Variants in DCAF8 observed in about 807,000 individuals in gnomAD.
The protein encoded by DCAF8 is DDB1- and CUL4-associated factor 8.
A neutral mutation model predicts 68.0 loss-of-function variants in DCAF8; 20 were observed. That is an observed-to-expected ratio of 0.29 (90% CI 0.21 to 0.43). DCAF8 has a LOEUF of 0.43. Among genes scored for constraint, DCAF8 ranks in the 20% least tolerant of loss-of-function variants. DCAF8 has a pLI of 1.00. For missense variants in DCAF8, 460 were observed against 771.0 expected (o/e 0.60, Z 4.78); for synonymous variants, 230 against 276.9 (o/e 0.83, Z 1.68).
intron 2 of DCAF8, 55 bp from the exon 3 acceptor site, chr1:160,244,089 G>A: frequency 8.1e-7 from 1 of 1,242,196 alleles, no homozygotes; most frequent in South Asian, 1.2e-5. Context: ...TGGGAAAGAA[G>A]ACAATAGGGA....
intron 2 of DCAF8, among the ~76,000 whole-genome samples, chr1:160,251,282 A>G (rs1397055437): frequency 1.3e-5 from 2 of 152,060 alleles, no homozygotes; most frequent in Non-Finnish European, 2.9e-5. Flanking sequence ...CCAAAGTACA[A>G]ATTTGCTTTT....
At chr1:160,239,549 T>A in intron 4 of DCAF8, 148 bp downstream of exon 4, 1 of 1,568,310 alleles carries the variant, frequency 6.4e-7, no homozygotes, top group Non-Finnish European at 8.6e-7. Flanking sequence ...TTCAGTGTAT[T>A]TAGGTCATTA....
intron 2 of DCAF8, among the ~76,000 whole-genome samples, chr1:160,244,904 C>A (rs1206218920): frequency 6.6e-6 from 1 of 152,080 alleles, no homozygotes; most frequent in Non-Finnish European, 1.5e-5. Flanking sequence ...CCACCACGCC[C>A]AGCCCAACTA....
chr1:160,261,035 G>A (rs370224357), intron 2 of DCAF8, among the ~76,000 whole-genome samples: 49 of 152,244 alleles, frequency 3.2e-4, no homozygotes, highest in African/African-American at 1.2e-3. Flanking sequence ...CATGGGGCAG[G>A]GGGCACACAT....
chr1:160,253,647 CAAAAAAAAAAAAAAAA>C lies in DCAF8; in HGVS notation c.-27+7622_-27+7637del, dbSNP rs747211563. 1.4e-3 allele frequency among the ~76,000 whole-genome samples: 38 copies of C among 26,952 alleles called. 1 individual carries two copies. Among genetic ancestry groups the C allele is most frequent in the East Asian group, 0.013 (10 of 758 alleles). The allele number at this position is 26,952 out of a possible 152,430, so 17.7% of individuals were successfully genotyped here. A position where few individuals can be genotyped will look rare whatever the true frequency, so the allele number is the denominator to read the frequency against. On this transcript the variant is annotated intron_variant, in intron 2 of 13. Transcript: ENST00000368074. Reference sequence around the variant, plus strand: ...TGTGCGACAGGGTGAGACTCCATCTCAAAAAAAAAAAAAAAAAAAAAAAAAAAAAATAGCAGGGTGT... The same window carrying C: ...TGTGCGACAGGGTGAGACTCCATCTCAAAAAAAAAAAAAATAGCAGGGTGT...
chr1:160,255,484 G>A (rs949696851), intron 2 of DCAF8, among the ~76,000 whole-genome samples: 4 of 152,108 alleles, frequency 2.6e-5, no homozygotes, highest in African/African-American at 9.7e-5. Context: ...AGACTGCAAA[G>A]CAATCACCAT....
chr1:160,233,791 A>G (rs987175364), intron 6 of DCAF8, among the ~76,000 whole-genome samples: 5 of 152,218 alleles, frequency 3.3e-5, no homozygotes, highest in African/African-American at 1.2e-4. Flanking sequence ...TTAATCCCAT[A>G]AAACAAACAT....
chr1:160,236,330 A>G (rs184796217), intron 6 of DCAF8, among the ~76,000 whole-genome samples: 9 of 152,024 alleles, frequency 5.9e-5, no homozygotes, highest in East Asian at 1.9e-4. Context: ...GTATATAAAT[A>G]CATATGTGTG....
rs1656049087 is a variant in DCAF8 at position 160,240,081 on chromosome 1, C to A, written c.339G>T (p.Gln113His). The change falls in exon 4 of 14, where the codon CAG becomes CAT. Residue 113 changes from glutamine (Q) to histidine (H), a missense_variant. By Grantham distance (24) the Gln-to-His change is conservative (BLOSUM62 0). Coordinates refer to ENST00000368074, the MANE Select transcript of DCAF8 (RefSeq NM_015726.4). Reference protein sequence around the residue: ...EEEEEEEEEEQPRRRVQRKRA... With the variant: ...EEEEEEEEEEHPRRRVQRKRA... Reference sequence around the variant, plus strand: ...GCTTGCGCTGTACACGGCGCCGAGGCTGCTCTTCTTCCTCCTCTTCTTCCT... The same window carrying A: ...GCTTGCGCTGTACACGGCGCCGAGGATGCTCTTCTTCCTCCTCTTCTTCCT... The A allele has an allele frequency of 3.1e-6, 5 of 1,614,224 alleles. No individual in the cohort carries two copies. Among genetic ancestry groups the A allele is most frequent in the Non-Finnish European group, 4.2e-6 (5 of 1,180,030 alleles).
At chr1:160,222,627 G>C in intron 11 of DCAF8, 24 bp downstream of exon 11, 2 of 1,612,972 alleles carry the variant, frequency 1.2e-6, no homozygotes, top group South Asian at 2.2e-5. Flanking sequence ...TAGGGAGCCA[G>C]CCAGCTCAGC....
At chr1:160,236,289 C>T (rs943480068) in intron 6 of DCAF8, among the ~76,000 whole-genome samples, 5 of 149,750 alleles carry the variant, frequency 3.3e-5, no homozygotes, top group Non-Finnish European at 5.9e-5. Flanking sequence ...CATACACGTA[C>T]GTATATATAT....
rs1655217607 is a variant in DCAF8 at position 160,219,153 on chromosome 1, G to A, written c.1441-185C>T. 7.1e-6 allele frequency: 5 copies of A among 702,330 alleles called. No homozygotes were observed. The East Asian group carries it at 1.4e-4, about 19-fold the overall frequency. The allele number at this position is 702,330 out of a possible 1,614,324, so 43.5% of individuals were successfully genotyped here. ...AGGGTAGAGAAACCAGACACAGACT[G>A]GGTATAAGACCAGGCACATCAATCA... On this transcript the variant is annotated intron_variant, in intron 11 of 13. Transcript: ENST00000368074.
At chr1:160,221,916 C>T (rs1200449111) in intron 11 of DCAF8, among the ~76,000 whole-genome samples, 6 of 151,594 alleles carry the variant, frequency 4.0e-5, no homozygotes, top group Non-Finnish European at 8.8e-5. Flanking sequence ...TTCCTTTTTG[C>T]CCTAACTCCA....
At chr1:160,220,836 A>G (rs1280692974) in intron 11 of DCAF8, 1 of 152,222 alleles carries the variant, frequency 6.6e-6, no homozygotes, top group Non-Finnish European at 1.5e-5. Flanking sequence ...TGCATGATAT[A>G]GAACTGCTGA....
chr1:160,218,028 A>C (rs1571076289), intron 13 of DCAF8: 1 of 497,998 alleles, frequency 2.0e-6, no homozygotes, highest in East Asian at 3.3e-5. Context: ...ATAAGAGGAA[A>C]AATAGAAGGG....
intron 6 of DCAF8, among the ~76,000 whole-genome samples, chr1:160,236,484 G>A (rs75042431): frequency 0.016 from 2,388 of 151,922 alleles, 56 homozygotes; most frequent in African/African-American, 0.048. Context: ...TACTAGAGAG[G>A]GAAGGACGGA....
At chr1:160,247,192 T>C (rs1656373940) in intron 2 of DCAF8, among the ~76,000 whole-genome samples, 1 of 152,182 alleles carries the variant, frequency 6.6e-6, no homozygotes, top group South Asian at 2.1e-4. Context: ...CCCAGGTAGT[T>C]GGAGGAGTTT....
chr1:160,261,759 C>T (rs1345018180), intron 1 of DCAF8: 1 of 152,220 alleles, frequency 6.6e-6, no homozygotes, highest in African/African-American at 2.4e-5. Flanking sequence ...ATTCAAGCCA[C>T]CAGATGCTTT....
At chr1:160,226,709 C>T (rs929342620) in intron 7 of DCAF8, among the ~76,000 whole-genome samples, 3 of 152,204 alleles carry the variant, frequency 2.0e-5, no homozygotes, top group African/African-American at 7.2e-5. Context: ...CTTCCCCTTA[C>T]AGTTACACTA....
Sources: gnomAD v4.1 joint callset for allele counts (sites outside exome capture counted in the v4.1 genomes callset) on GRCh38, gnomAD v4.1.1 for gene constraint, MANE v1.5 for transcripts, NCBI Gene and HGNC (gene_info 2026-07-23, HGNC 2026-07-21) for gene names.